The following USP7 variants were observed in gnomAD, a reference collection of about 807,000 sequenced individuals.
USP7 encodes ubiquitin specific peptidase 7, also known as ubiquitin C-terminal hydrolase 7.
A neutral mutation model predicts 162.9 loss-of-function variants in USP7; 9 were observed. That is an observed-to-expected ratio of 0.06 (90% CI 0.03 to 0.10). USP7 has a LOEUF of 0.10. USP7 is among the 10% of genes least tolerant of loss of function. USP7 has a pLI of 1.00. For missense variants in USP7, 715 were observed against 1,373.7 expected (o/e 0.52, Z 7.58); for synonymous variants, 562 against 475.9 (o/e 1.18, Z -2.35).
rs566998583 is a variant in USP7, at chr16:8,952,988, C to T, written c.79+10219G>A. Among the ~76,000 whole-genome samples, 11 of 152,284 alleles carry T rather than the reference C, an allele frequency of 7.2e-5. No homozygotes were observed. In the South Asian group the frequency reaches 2.1e-3, roughly 29 times the overall value. ...AGTAGCTGGGATTACAGTCGCGTGT[C>T]ACCATGCCAGGCTATTTTTTGTATT... On this transcript the variant is annotated intron_variant, in intron 1 of 30. Coordinates refer to ENST00000344836, the MANE Select transcript of USP7 (RefSeq NM_003470.3).
chr16:8,914,903 C>A (rs2062005516), intron 10 of USP7, among the ~76,000 whole-genome samples: 1 of 152,168 alleles, frequency 6.6e-6, no homozygotes, highest in Admixed American at 6.5e-5. Flanking sequence ...ACAACAAGAC[C>A]CTATCTCAAA....
At chr16:8,921,416 G>T in intron 3 of USP7, 121 bp from the exon 4 acceptor site, 1 of 1,186,050 alleles carries the variant, frequency 8.4e-7, no homozygotes, top group Non-Finnish European at 1.2e-6. Flanking sequence ...CTCTCCTTTC[G>T]GGTTGGGGTT....
In USP7 at chr16:8,917,147, T is replaced by G. The variant is rs758258486; in HGVS notation, c.730A>C (p.Met244Leu). Residue 244 changes from methionine (M) to leucine (L), a missense_variant, in exon 7 of 31, where the codon ATG becomes CTG. Met to Leu is a conservative substitution (Grantham distance 15). This residue lies in a region of USP7 where 24 missense variants were observed against 153.3 expected (regional missense o/e 0.16). Transcript: ENST00000344836. ...FTNQLRKAVYMMPTEGDDSSK... is the reference protein window; with the variant it reads ...FTNQLRKAVYLMPTEGDDSSK... ...GAATCATCCCCCTCGGTTGGCATCA[T>G]GTACACAGCCTGAAACAATTAAGAA... The G allele has an allele frequency of 1.9e-6, 3 of 1,610,012 alleles. No individual in the cohort carries two copies. The highest frequency in any genetic ancestry group is 2.5e-6 in the Non-Finnish European group (3 of 1,179,084).
chr16:8,938,349 A>AAAAAG (rs1555469501), intron 1 of USP7, among the ~76,000 whole-genome samples: 2 of 151,858 alleles, frequency 1.3e-5, no homozygotes, highest in Non-Finnish European at 2.9e-5. Flanking sequence ...CAAAAAAAAA[A>AAAAAG]AAAGAAAGAA....
At chr16:8,929,231 C>T (rs1898184213) in intron 2 of USP7, 7 of 333,598 alleles carry the variant, frequency 2.1e-5, no homozygotes, top group Admixed American at 4.1e-5. Flanking sequence ...CAACCGCTTT[C>T]GGCATCTCAG....
rs567360999 is a variant in USP7, at chr16:8,954,570, G to T, written c.79+8637C>A. Among the ~76,000 whole-genome samples the T allele has an allele frequency of 2.0e-5, 3 of 152,346 alleles. No individual in the cohort carries two copies. In the East Asian group the frequency reaches 5.8e-4, roughly 29 times the overall value. ...TTTTGCAATGGAAGACAATTTAGCT[G>T]TAAGTTTATAGGATGTATTCTGGAA... On this transcript the variant is annotated intron_variant, in intron 1 of 30. Coordinates refer to ENST00000344836, the MANE Select transcript of USP7 (RefSeq NM_003470.3).
At chr16:8,909,517 C>T (rs1001210286) in intron 11 of USP7, among the ~76,000 whole-genome samples, 1 of 152,248 alleles carries the variant, frequency 6.6e-6, no homozygotes, top group African/African-American at 2.4e-5. Flanking sequence ...CCGCTGTCCA[C>T]TGAGGCTTCG....
chr16:8,916,786 A>G (rs979920096), intron 7 of USP7, among the ~76,000 whole-genome samples: 10 of 152,204 alleles, frequency 6.6e-5, no homozygotes, highest in African/African-American at 1.4e-4. Context: ...CTTGTGTTGA[A>G]AAGTAAAAAC....
rs182434986 is a variant in USP7, at chr16:8,904,056, A to G, written c.1704+379T>C. ...AATCACTTCTCTGTCTGGTGGCCTG[A>G]CTTCTGACAACCAAGTCTTTACTCC... On this transcript the variant is annotated intron_variant, in intron 15 of 30. Transcript: ENST00000344836. Among the ~76,000 whole-genome samples, 96 of 152,214 alleles carry G rather than the reference A, an allele frequency of 6.3e-4. 2 individuals are homozygous for G. Among genetic ancestry groups the G allele is most frequent in the South Asian group, 5.6e-3 (27 of 4,810 alleles).
At chr16:8,915,557 T>C (rs2062014764) in intron 8 of USP7, 32 bp from the exon 9 acceptor site, 2 of 1,586,846 alleles carry the variant, frequency 1.3e-6, no homozygotes, top group Non-Finnish European at 1.7e-6. Flanking sequence ...TTAAAAAAAC[T>C]TTTTTGTACT....
Position 8,903,180 on chromosome 16 carries a change from C to G in USP7, c.1839+88G>C, listed in dbSNP as rs939600420. ...CAGTGGCTGGACACAGCACCTACCCCCAAAGGCAATCAGTATTTTCTAGTG... is the reference window on the plus strand; with the variant it reads ...CAGTGGCTGGACACAGCACCTACCCGCAAAGGCAATCAGTATTTTCTAGTG... On this transcript the variant is annotated intron_variant, in intron 16 of 30. Coordinates refer to ENST00000344836, the MANE Select transcript of USP7 (RefSeq NM_003470.3). 1.3e-5 allele frequency: 20 copies of G among 1,530,798 alleles called. No homozygotes were observed. In the East Asian group the frequency reaches 2.5e-4, roughly 19 times the overall value. 94.8% of individuals were successfully genotyped at this position (1,530,798 alleles called of 1,614,324 possible). A position where few individuals can be genotyped will look rare whatever the true frequency, so the allele number is the denominator to read the frequency against.
chr16:8,941,854 G>T (rs1899060936), intron 1 of USP7, among the ~76,000 whole-genome samples: 1 of 152,242 alleles, frequency 6.6e-6, no homozygotes, highest in South Asian at 2.1e-4. Context: ...AGGGAACTGG[G>T]TGGACACGCC....
intron 1 of USP7, among the ~76,000 whole-genome samples, chr16:8,951,724 C>G (rs1899561879): frequency 6.6e-6 from 1 of 152,224 alleles, no homozygotes; most frequent in African/African-American, 2.4e-5. Context: ...GGCCTTTTCA[C>G]ATTTAAATCT....
At chr16:8,959,789 C>G (rs1163091231) in intron 1 of USP7, among the ~76,000 whole-genome samples, 3 of 152,180 alleles carry the variant, frequency 2.0e-5, no homozygotes, top group Non-Finnish European at 4.4e-5. Flanking sequence ...AGTAACTGCA[C>G]AAGTTTGGAA....
chr16:8,959,730 T>G (rs112990130), intron 1 of USP7, among the ~76,000 whole-genome samples: 1 of 152,278 alleles, frequency 6.6e-6, no homozygotes, highest in Non-Finnish European at 1.5e-5. Flanking sequence ...TCTGGCTGGG[T>G]GTGTTCAAGA....
intron 1 of USP7, 97 bp from the exon 2 acceptor site, chr16:8,930,494 T>C (rs1475982758): frequency 2.6e-6 from 2 of 777,960 alleles, no homozygotes; most frequent in Admixed American, 3.4e-5. Context: ...GCCTAATCAT[T>C]AATAAATTCC....
intron 1 of USP7, among the ~76,000 whole-genome samples, chr16:8,951,676 T>C (rs994836929): frequency 6.6e-6 from 1 of 152,254 alleles, no homozygotes; most frequent in African/African-American, 2.4e-5. Flanking sequence ...GCTGAGACGC[T>C]GTGCACCTGC....
At chr16:8,931,112 T>C (rs78655336) in intron 1 of USP7, among the ~76,000 whole-genome samples, 1,949 of 152,314 alleles carry the variant, frequency 0.013, 19 homozygotes, top group Non-Finnish European at 0.021. Flanking sequence ...CCAATTTTGT[T>C]GTGAAGATTA....
chr16:8,957,388 G>A (rs1370395441), intron 1 of USP7, among the ~76,000 whole-genome samples: 2 of 152,106 alleles, frequency 1.3e-5, no homozygotes, highest in Non-Finnish European at 2.9e-5. Context: ...TGTTCTCCAG[G>A]ATAAAACTTC....
Sources: gnomAD v4.1 joint callset for allele counts (sites outside exome capture counted in the v4.1 genomes callset) on GRCh38, gnomAD v4.1.1 for gene constraint, gnomAD v4.1.1 regional missense constraint, MANE v1.5 for transcripts, NCBI Gene and HGNC (gene_info 2026-07-23, HGNC 2026-07-21) for gene names.